CDCA3: variants seen among roughly 807,000 people sequenced by gnomAD.
The protein encoded by CDCA3 is cell division cycle-associated protein 3.
A neutral mutation model predicts 29.1 loss-of-function variants in CDCA3; 16 were observed. That is an observed-to-expected ratio of 0.55 (90% CI 0.37 to 0.83). The LOEUF (loss-of-function observed/expected upper bound fraction) is 0.83. CDCA3 is among the 40% of genes least tolerant of loss of function. The pLI, the probability that CDCA3 is intolerant of heterozygous loss-of-function variation, is 0.00. For synonymous variants in CDCA3, 88 were observed against 124.5 expected (o/e 0.71, Z 1.95); for missense variants, 291 against 327.2 (o/e 0.89, Z 0.85).
Position 6,850,311 on chromosome 12 carries a change from C to T in CDCA3, c.250+156G>A, listed in dbSNP as rs1943818922. On this transcript the variant is annotated intron_variant, in intron 3 of 5. Transcript: ENST00000538862. The surrounding 1 kb of genome is among the most constrained non-coding windows in gnomAD (Gnocchi z 4.7). ...GGGATTACAGGCATGAGCCACCGCA[C>T]CCAGGCTGGGAACAAAATATTGAGA... The T allele has an allele frequency of 9.5e-7, 1 of 1,053,356 alleles. No individual in the cohort carries two copies. The highest frequency in any genetic ancestry group is 1.4e-6 in the Non-Finnish European group (1 of 721,436). The allele number at this position is 1,053,356 out of a possible 1,614,324, so 65.3% of individuals were successfully genotyped here. A position where few individuals can be genotyped will look rare whatever the true frequency, so the allele number is the denominator to read the frequency against.
intron 1 of CDCA3, 40 bp from the exon 2 acceptor site, chr12:6,851,049 A>G: frequency 2.0e-6 from 3 of 1,468,592 alleles, no homozygotes; most frequent in Non-Finnish European, 1.8e-6. Context: ...TATCTCTTCC[A>G]CGTCGGACCT....
At position 6,850,764 on chromosome 12, in the gene CDCA3, C is replaced by T; in HGVS notation, c.120+69G>A. On this transcript the variant is annotated intron_variant, in intron 2 of 5. Transcript: ENST00000538862. The surrounding 1 kb of genome is among the most constrained non-coding windows in gnomAD (Gnocchi z 4.7). ...AAGGGTGGGGTCATGACGGCTCTCTCAAAATCAGGTTAGGAAGAGACCCAA... is the reference window on the plus strand; with the variant it reads ...AAGGGTGGGGTCATGACGGCTCTCTTAAAATCAGGTTAGGAAGAGACCCAA... The T allele has an allele frequency of 1.9e-6, 3 of 1,589,434 alleles. No individual in the cohort carries two copies. The highest frequency in any genetic ancestry group is 2.6e-6 in the Non-Finnish European group (3 of 1,164,686).
rs782354922 is a variant in CDCA3 at position 6,849,832 on chromosome 12, G to T, written c.277C>A (p.Leu93Met). The part of the protein sequence containing the change: ...GDPPSPLVKQ[L>M]SEVFETEDSK... ...TCTTCAGTTTCAAATACTTCACTCA[G>T]CTGTTTCACCAGTGGGCTTGGGGGG... The change falls in exon 4 of 6, where the codon CTG becomes ATG. Residue 93 changes from leucine (L) to methionine (M), a missense_variant. Transcript: ENST00000538862. This position sits in a 1 kb window ranked among gnomAD's most constrained non-coding sequence, Gnocchi z 5.2. 1.9e-6 allele frequency: 3 copies of T among 1,553,964 alleles called. No individual in the cohort carries two copies. In the Admixed American group the frequency reaches 5.7e-5, roughly 30 times the overall value.
At position 6,848,998 on chromosome 12, in the gene CDCA3, T is replaced by C. The variant is rs113760877; in HGVS notation, c.*45A>G. ...GAAAGAAGGGGTGAGAGGACACAGA[T>C]ATCACCAGGCCCTGGGTGACTGCAT... On this transcript the variant is annotated 3_prime_UTR_variant, in exon 6 of 6. Coordinates refer to ENST00000538862, the MANE Select transcript of CDCA3 (RefSeq NM_031299.7). 1,231 of 777,906 alleles carry C rather than the reference T, an allele frequency of 1.6e-3. 4 individuals carry two copies. The highest frequency in any genetic ancestry group is 2.3e-3 in the Non-Finnish European group (991 of 422,036). The allele number at this position is 777,906 out of a possible 1,614,324, so 48.2% of individuals were successfully genotyped here. A position where few individuals can be genotyped will look rare whatever the true frequency, so the allele number is the denominator to read the frequency against.
Position 6,849,385 on chromosome 12 carries a change from C to G in CDCA3, c.589G>C (p.Gly197Arg). The G allele has an allele frequency of 6.2e-7, 1 of 1,605,054 alleles. No individual in the cohort carries two copies. The change falls in exon 5 of 6, where the codon GGG (glycine) becomes CGG (arginine). Residue 197 changes from glycine (G) to arginine (R), a missense_variant. Gly to Arg is a moderately radical substitution (Grantham distance 125, BLOSUM62 -2). Coordinates refer to ENST00000538862, the MANE Select transcript of CDCA3 (RefSeq NM_031299.7). This position sits in a 1 kb window ranked among gnomAD's most constrained non-coding sequence, Gnocchi z 5.2. ...RWKPNSSKVL[G>R]RSPLTILQDD... ...TGCAGGATGGTGAGGGGGGATCTCC[C>G]TAGTACCTTGCTGCTGTTTGGTTTC...
In CDCA3 at chr12:6,849,393, T is replaced by C. The variant is rs1414334126; in HGVS notation, c.581A>G (p.Lys194Arg). 1 of 1,602,476 alleles carries C rather than the reference T, an allele frequency of 6.2e-7. No individual in the cohort carries two copies. Among genetic ancestry groups the C allele is most frequent in the African/African-American group, 1.3e-5 (1 of 74,430 alleles). Residue 194 changes from lysine to arginine, a missense_variant, in exon 5 of 6, where the codon AAG becomes AGG. Transcript: ENST00000538862. The surrounding 1 kb of genome is among the most constrained non-coding windows in gnomAD (Gnocchi z 5.2). ...GGTGAGGGGGGATCTCCCTAGTACC[T>C]TGCTGCTGTTTGGTTTCCATCTATT... ...MRNRWKPNSSKVLGRSPLTIL... is the reference protein window; with the variant it reads ...MRNRWKPNSSRVLGRSPLTIL...
Position 6,849,209 on chromosome 12 carries a change from C to T in CDCA3, c.652-11G>A, listed in dbSNP as rs945196003. 4.3e-6 allele frequency: 7 copies of T among 1,613,862 alleles called. No homozygotes were observed. In the African/African-American group the frequency reaches 8.0e-5, roughly 18 times the overall value. ...TGAAGGCCGCTTACCCTGAAAACGG[C>T]AGTGTATGAGTTGGGGGGAGTTGCT... On this transcript the variant is annotated splice_polypyrimidine_tract_variant and intron_variant, in intron 5 of 5. Transcript: ENST00000538862. The surrounding 1 kb of genome is among the most constrained non-coding windows in gnomAD (Gnocchi z 5.2).
At chr12:6,846,722 T>TA, downstream of CDCA3, 1 of 825,248 alleles carries the variant, frequency 1.2e-6, no homozygotes, top group East Asian at 2.7e-5. Context: ...CACATACACT[T>TA]ACACGCATGC....
chr12:6,846,693 ACACACACC>A (rs370145261), downstream of CDCA3: 5,320 of 652,288 alleles, frequency 8.2e-3, 176 homozygotes, highest in African/African-American at 0.1. Flanking sequence ...CCACATACAC[ACACACACC>A]CACACACCCA....
rs1943809402 is a variant in CDCA3 at position 6,850,174 on chromosome 12, T to TGC, written c.250+292_250+293insGC. ...GCCACCGTGCTTTTGTGTGTGTGTG[T>TGC]GTGTGTTATGTGTGTGTATTTTTTC... is the stretch of plus-strand genomic sequence containing the variant. On this transcript the variant is annotated intron_variant, in intron 3 of 5. Coordinates refer to ENST00000538862, the MANE Select transcript of CDCA3 (RefSeq NM_031299.7). The surrounding 1 kb of genome is among the most constrained non-coding windows in gnomAD (Gnocchi z 4.7). 1.9e-6 allele frequency: 1 copy of TGC among 514,864 alleles called. No homozygotes were observed. Among genetic ancestry groups the TGC allele is most frequent in the Non-Finnish European group, 3.5e-6 (1 of 286,898 alleles). 31.9% of individuals were successfully genotyped at this position (514,864 alleles called of 1,614,324 possible).
chr12:6,849,956 G>A lies in CDCA3; in HGVS notation c.251-98C>T. On this transcript the variant is annotated intron_variant, in intron 3 of 5. Coordinates refer to ENST00000538862, the MANE Select transcript of CDCA3 (RefSeq NM_031299.7). The surrounding 1 kb of genome is among the most constrained non-coding windows in gnomAD (Gnocchi z 5.2). Reference sequence around the variant, plus strand: ...ACCCAGGACTCATGCCCAGGAGGGTGAGCAAGTGGGAAGAGAGAAATCAAG... The same window carrying A: ...ACCCAGGACTCATGCCCAGGAGGGTAAGCAAGTGGGAAGAGAGAAATCAAG... 1.8e-6 allele frequency: 2 copies of A among 1,106,706 alleles called. No homozygotes were observed. Among genetic ancestry groups the A allele is most frequent in the Non-Finnish European group, 1.2e-6 (1 of 801,776 alleles). The allele number at this position is 1,106,706 out of a possible 1,614,324, so 68.6% of individuals were successfully genotyped here. A position where few individuals can be genotyped will look rare whatever the true frequency, so the allele number is the denominator to read the frequency against.
chr12:6,846,591 A>ATCCC (rs1172844301), downstream of CDCA3: 1 of 483,386 alleles, frequency 2.1e-6, no homozygotes, highest in Non-Finnish European at 3.7e-6. Flanking sequence ...CGAGTCTAGG[A>ATCCC]TCCCTGCATG....
At position 6,849,137 on chromosome 12, in the gene CDCA3, C is replaced by T. The variant is rs1943768770; in HGVS notation, c.713G>A (p.Gly238Glu). ...TCCAGTTTTCAGAAGTCGTCCAGTT[C>T]CAAGAATGGCTCCTTCCTTTAGTTC... The part of the protein sequence containing the change: ...VSELKEGAIL[G>E]TGRLLKTGGR... Residue 238 changes from glycine to glutamate, a missense_variant, in exon 6 of 6, where the codon GGA becomes GAA. Coordinates refer to ENST00000538862, the MANE Select transcript of CDCA3 (RefSeq NM_031299.7). The surrounding 1 kb of genome is among the most constrained non-coding windows in gnomAD (Gnocchi z 5.2). 2 of 1,610,462 alleles carry T rather than the reference C, an allele frequency of 1.2e-6. No individual in the cohort carries two copies. Among genetic ancestry groups the T allele is most frequent in the Non-Finnish European group, 1.7e-6 (2 of 1,176,764 alleles).
At position 6,849,092 on chromosome 12, in the gene CDCA3, C is replaced by A. The variant is rs149041953; in HGVS notation, c.758G>T (p.Gly253Val). 4 of 1,403,124 alleles carry A rather than the reference C, an allele frequency of 2.9e-6. No homozygotes were observed. Among genetic ancestry groups the A allele is most frequent in the Non-Finnish European group, 4.1e-6 (4 of 987,272 alleles). 86.9% of individuals were successfully genotyped at this position (1,403,124 alleles called of 1,614,324 possible). A position where few individuals can be genotyped will look rare whatever the true frequency, so the allele number is the denominator to read the frequency against. ...LKTGGRAWEQ[G>V]QDHDKENQHF... is the part of the protein sequence containing the mutation. ...CTGATTTTCCTTGTCATGGTCCTGG[C>A]CTTGCTCCCATGCTCGTCCTCCAGT... The change falls in exon 6 of 6, where the codon GGC becomes GTC. Residue 253 changes from glycine to valine, a missense_variant. By Grantham distance (109) the Gly-to-Val change is moderately radical. Transcript: ENST00000538862. This position sits in a 1 kb window ranked among gnomAD's most constrained non-coding sequence, Gnocchi z 5.2.
At position 6,849,812 on chromosome 12, in the gene CDCA3, A is replaced by C; in HGVS notation, c.297T>G (p.Thr99=). ...GGGGAAGATTTGATTTAGAGTCTTCAGTTTCAAATACTTCACTCAGCTGTT... is the reference window on the plus strand; with the variant it reads ...GGGGAAGATTTGATTTAGAGTCTTCCGTTTCAAATACTTCACTCAGCTGTT... ...LVKQLSEVFE[T]EDSKSNLPPE... is the part of the protein sequence containing the mutation. Residue 99 remains threonine, a synonymous_variant, in exon 4 of 6, where the codon ACT becomes ACG. Coordinates refer to ENST00000538862, the MANE Select transcript of CDCA3 (RefSeq NM_031299.7). This position sits in a 1 kb window ranked among gnomAD's most constrained non-coding sequence, Gnocchi z 5.2. The C allele has an allele frequency of 2.5e-6, 4 of 1,573,684 alleles. No homozygotes were observed. Among genetic ancestry groups the C allele is most frequent in the Non-Finnish European group, 3.5e-6 (4 of 1,157,384 alleles).
chr12:6,851,044 C>A, intron 1 of CDCA3, 35 bp from the exon 2 acceptor site: 1 of 1,477,612 alleles, frequency 6.8e-7, no homozygotes, highest in South Asian at 1.4e-5. Context: ...GCCCTTATCT[C>A]TTCCACGTCG....
In CDCA3 at chr12:6,849,916, G is replaced by A. The variant is rs1943798299; in HGVS notation, c.251-58C>T. The A allele has an allele frequency of 8.5e-6, 12 of 1,414,296 alleles. No individual in the cohort carries two copies. The South Asian group carries it at 1.8e-4, about 21-fold the overall frequency. 87.6% of individuals were successfully genotyped at this position (1,414,296 alleles called of 1,614,324 possible). A position where few individuals can be genotyped will look rare whatever the true frequency, so the allele number is the denominator to read the frequency against. On this transcript the variant is annotated intron_variant, in intron 3 of 5. Transcript: ENST00000538862. The surrounding 1 kb of genome is among the most constrained non-coding windows in gnomAD (Gnocchi z 5.2). ...TCTGATACACAACATTCAGCAAGGAGCAAAACATACAGAAACCCAGGACTC... is the reference window on the plus strand; with the variant it reads ...TCTGATACACAACATTCAGCAAGGAACAAAACATACAGAAACCCAGGACTC...
At chr12:6,846,918 G>A (rs367621075), downstream of CDCA3, 39 of 1,375,634 alleles carry the variant, frequency 2.8e-5, no homozygotes, top group Non-Finnish European at 4.0e-5. Flanking sequence ...AGAAAGGGAA[G>A]TGGAAGGCAG....
At chr12:6,846,693 A>C (rs1416563186), downstream of CDCA3, 3 of 652,268 alleles carry the variant, frequency 4.6e-6, no homozygotes, top group South Asian at 1.7e-5. Flanking sequence ...CCACATACAC[A>C]CACACACCCA....
Sources: allele counts gnomAD v4.1 joint callset, GRCh38; gene constraint gnomAD v4.1.1; non-coding constraint Gnocchi (gnomAD v3.1); transcripts MANE v1.5; gene names NCBI Gene and HGNC (gene_info 2026-07-23, HGNC 2026-07-21).